IARS1: variants seen among roughly 807,000 people sequenced by gnomAD.
IARS1 encodes isoleucine--tRNA ligase, cytoplasmic.
In IARS1, 124 loss-of-function variants were observed where a neutral mutation model predicts 168.2. The ratio of observed to expected loss-of-function variants is 0.74; its 90% CI spans 0.64 to 0.86. The LOEUF (loss-of-function observed/expected upper bound fraction) is 0.86. Ranked by LOEUF, IARS1 falls within the 40% of genes least tolerant of loss-of-function variation. The pLI is 0.00. For synonymous variants in IARS1, 532 were observed against 529.4 expected (o/e 1.00, Z -0.07); for missense variants, 1,452 against 1,515.8 (o/e 0.96, Z 0.70).
chr9:92,280,481 G>C (rs560392452), intron 7 of IARS1, among the ~76,000 whole-genome samples: 44 of 152,194 alleles, frequency 2.9e-4, no homozygotes, highest in African/African-American at 1.1e-3. Flanking sequence ...TCTGTCACAG[G>C]GGCATGGTGT....
intron 30 of IARS1, among the ~76,000 whole-genome samples, chr9:92,233,906 C>T (rs1827093078): frequency 1.3e-5 from 2 of 152,070 alleles, no homozygotes; most frequent in African/African-American, 2.4e-5. Flanking sequence ...GGACTAAAGG[C>T]GAACACCACC....
At chr9:92,267,907 T>C (rs1362586456) in intron 14 of IARS1, among the ~76,000 whole-genome samples, 1 of 152,156 alleles carries the variant, frequency 6.6e-6, no homozygotes, top group Non-Finnish European at 1.5e-5. Flanking sequence ...AAAAAACATT[T>C]AAAGTGTGTA....
chr9:92,253,942 CA>C (rs1282422423), intron 20 of IARS1: 3 of 450,758 alleles, frequency 6.7e-6, no homozygotes, highest in Non-Finnish European at 1.3e-5. Context: ...CCATGGGAAA[CA>C]TTTGTCAACG....
rs897842491 is a variant in IARS1 at position 92,258,941 on chromosome 9, C to G, written c.1929G>C (p.Glu643Asp). The change falls in exon 19 of 34, where the codon GAG becomes GAC. Residue 643 changes from glutamate to aspartate, a missense_variant. Glu to Asp is a conservative substitution (Grantham distance 45). Transcript: ENST00000443024. The part of the protein sequence containing the change: ...VRAENLRFKE[E>D]GVRDVLKDVL... ...CATCCTTAAGGACGTCCCGCACACCCTCTTCTTTAAAGCGGAGGTTTTCTG... is the reference window on the plus strand; with the variant it reads ...CATCCTTAAGGACGTCCCGCACACCGTCTTCTTTAAAGCGGAGGTTTTCTG... 1 of 1,613,984 alleles carries G rather than the reference C, an allele frequency of 6.2e-7. No individual in the cohort carries two copies. The highest frequency in any genetic ancestry group is 8.5e-7 in the Non-Finnish European group (1 of 1,179,936).
chr9:92,253,998 T>G (rs1478321383), intron 20 of IARS1: 1 of 416,048 alleles, frequency 2.4e-6, no homozygotes, highest in East Asian at 7.0e-5. Context: ...GGTAGCACGG[T>G]GCTACTGGAA....
intron 30 of IARS1, among the ~76,000 whole-genome samples, chr9:92,232,214 T>G (rs1374881627): frequency 1.3e-5 from 2 of 152,224 alleles, no homozygotes; most frequent in African/African-American, 4.8e-5. Context: ...AGCTCCCCAC[T>G]GGTAATTTAC....
intron 26 of IARS1, 93 bp downstream of exon 26, chr9:92,247,284 G>A: frequency 8.6e-7 from 1 of 1,158,942 alleles, no homozygotes; most frequent in Non-Finnish European, 1.2e-6. Context: ...GACAGGAAAG[G>A]AAAGGATGTG....
chr9:92,250,353 G>T, intron 23 of IARS1, 64 bp from the exon 24 acceptor site: 1 of 1,022,838 alleles, frequency 9.8e-7, no homozygotes, highest in South Asian at 1.3e-5. Context: ...GAAGGCACTA[G>T]GCATGCATAA....
At chr9:92,261,375 C>G (rs2133801981) in intron 17 of IARS1, among the ~76,000 whole-genome samples, 1 of 152,136 alleles carries the variant, frequency 6.6e-6, no homozygotes, top group Non-Finnish European at 1.5e-5. Flanking sequence ...ATATAACATT[C>G]TGGAAACGAC....
At chr9:92,214,078 C>A (rs753100829) in intron 33 of IARS1, among the ~76,000 whole-genome samples, 1 of 151,930 alleles carries the variant, frequency 6.6e-6, no homozygotes, top group East Asian at 1.9e-4. Context: ...TGAGCCACCA[C>A]GCAGACCCAG....
chr9:92,229,211 G>A (rs1289788850), intron 30 of IARS1, 85 bp from the exon 31 acceptor site: 6 of 1,420,452 alleles, frequency 4.2e-6, no homozygotes, highest in African/African-American at 1.4e-5. Flanking sequence ...GGATACAAAG[G>A]GGTTCAAGCC....
At chr9:92,234,452 A>G (rs890438547) in intron 30 of IARS1, among the ~76,000 whole-genome samples, 1 of 152,166 alleles carries the variant, frequency 6.6e-6, no homozygotes, top group Non-Finnish European at 1.5e-5. Flanking sequence ...ATAATCTTGG[A>G]GTTGAGAGCT....
chr9:92,276,580 G>GT (rs750302200), intron 9 of IARS1, among the ~76,000 whole-genome samples: 58 of 152,140 alleles, frequency 3.8e-4, no homozygotes, highest in Non-Finnish European at 6.6e-4. Context: ...GAAAAGGCAG[G>GT]TAACAGACAC....
At position 92,260,160 on chromosome 9, in the gene IARS1, T is replaced by C. The variant is rs1489399807; in HGVS notation, c.1862A>G (p.Asp621Gly). The C allele has an allele frequency of 6.2e-7, 1 of 1,612,362 alleles. No homozygotes were observed. Among genetic ancestry groups the C allele is most frequent in the Non-Finnish European group, 8.5e-7 (1 of 1,178,350 alleles). Residue 621 changes from aspartate to glycine, a missense_variant, in exon 18 of 34, where the codon GAT becomes GGT. Transcript: ENST00000443024. The part of the protein sequence containing the change: ...PVSIIQKYGA[D>G]ALRLYLINSP... ...AAGCACTGGTTTGTACCTGAGGGCATCAGCACCATACTTCTGGATGATGGA... is the reference window on the plus strand; with the variant it reads ...AAGCACTGGTTTGTACCTGAGGGCACCAGCACCATACTTCTGGATGATGGA...
chr9:92,246,478 T>C (rs868590825), intron 26 of IARS1, among the ~76,000 whole-genome samples: 1 of 152,220 alleles, frequency 6.6e-6, no homozygotes, highest in African/African-American at 2.4e-5. Flanking sequence ...GGTAGCAAGA[T>C]GGGGCTGATT....
In IARS1 at chr9:92,288,283, C is replaced by A; in HGVS notation, c.120-1G>T. 1 of 1,613,748 alleles carries A rather than the reference C, an allele frequency of 6.2e-7. No individual in the cohort carries two copies. The highest frequency in any genetic ancestry group is 8.5e-7 in the Non-Finnish European group (1 of 1,179,786). ...AGGAGGACCATCATAGAAGGTAAAT[C>A]TAACAGGTAATAAAAATATATCAAG... On this transcript the variant is annotated splice_acceptor_variant, in intron 2 of 33. Transcript: ENST00000443024. LOFTEE classifies it high-confidence loss of function.
At chr9:92,280,177 T>C (rs749047132) in intron 7 of IARS1, among the ~76,000 whole-genome samples, 1 of 152,224 alleles carries the variant, frequency 6.6e-6, no homozygotes, top group Non-Finnish European at 1.5e-5. Flanking sequence ...TGCTGGGCCA[T>C]AGTGTCATCT....
intron 14 of IARS1, among the ~76,000 whole-genome samples, chr9:92,267,730 C>G (rs1039401110): frequency 6.6e-5 from 10 of 152,182 alleles, no homozygotes; most frequent in Non-Finnish European, 1.2e-4. Context: ...ATCTATATAT[C>G]TACACACATC....
At position 92,250,248 on chromosome 9, in the gene IARS1, T is replaced by G; in HGVS notation, c.2471A>C (p.Gln824Pro). 1.2e-6 allele frequency: 2 copies of G among 1,611,826 alleles called. No homozygotes were observed. Among genetic ancestry groups the G allele is most frequent in the Non-Finnish European group, 1.7e-6 (2 of 1,177,928 alleles). Residue 824 changes from glutamine (Q) to proline (P), a missense_variant, in exon 24 of 34, where the codon CAG becomes CCG. Physicochemically the swap from Gln to Pro is moderately conservative, Grantham distance 76 (BLOSUM62 -1). Transcript: ENST00000443024. ...TCCAAGTTCAATCACAGACTGCATC[T>G]GAGATACTGCACTCTCTGTTTTCTT... is the stretch of plus-strand genomic sequence containing the variant. ...IDKKTESAVS[Q>P]MQSVIELGRV...
Sources: gnomAD v4.1 joint callset for allele counts (sites outside exome capture counted in the v4.1 genomes callset) on GRCh38, gnomAD v4.1.1 for gene constraint, MANE v1.5 for transcripts, NCBI Gene and HGNC (gene_info 2026-07-23, HGNC 2026-07-21) for gene names.